CLVS1: variants seen among roughly 807,000 people sequenced by gnomAD.
CLVS1 encodes clavesin 1, also known as clavesin-1.
Under a neutral mutation model 33.1 loss-of-function variants are expected in CLVS1, and 10 were observed. That is an observed-to-expected ratio of 0.30 (90% CI 0.19 to 0.51). The LOEUF is 0.51. Ranked by LOEUF, CLVS1 falls within the 20% of genes least tolerant of loss-of-function variation. The pLI is 0.97. For missense variants in CLVS1, 343 were observed against 433.4 expected (o/e 0.79, Z 1.85); for synonymous variants, 163 against 166.1 (o/e 0.98, Z 0.14).
rs374845739 is a variant in CLVS1, at chr8:61,203,414, T to A, written c.-152+71554T>A. Among the ~76,000 whole-genome samples the A allele has an allele frequency of 4.6e-5, 7 of 152,310 alleles. No individual in the cohort carries two copies. In the East Asian group the frequency reaches 1.3e-3, roughly 29 times the overall value. Reference sequence around the variant, plus strand: ...CCTGTTTAGTTTTTAAAGATGGAACTCCACCCTTTGCTTGGTTTTAAGTAT... The same window carrying A: ...CCTGTTTAGTTTTTAAAGATGGAACACCACCCTTTGCTTGGTTTTAAGTAT... On this transcript the variant is annotated intron_variant, in intron 2 of 2. Transcript: ENST00000522621.
intron 1 of CLVS1, among the ~76,000 whole-genome samples, chr8:61,129,842 A>G (rs186538291): frequency 1.3e-5 from 2 of 152,370 alleles, no homozygotes; most frequent in East Asian, 1.9e-4. Context: ...ATTTGCAGAC[A>G]TATTTTAAAA....
intron 1 of CLVS1, among the ~76,000 whole-genome samples, chr8:61,081,775 C>T (rs974210566): frequency 1.3e-5 from 2 of 152,110 alleles, no homozygotes; most frequent in Non-Finnish European, 2.9e-5. Flanking sequence ...ATAGGACAAA[C>T]CATTTTTTCC....
chr8:61,481,388 A>AAG (rs1818189259), intron 5 of CLVS1, among the ~76,000 whole-genome samples: 25 of 150,394 alleles, frequency 1.7e-4, no homozygotes, highest in East Asian at 5.9e-4. Context: ...AGCCCACAGA[A>AAG]TAGAGTGGGG....
At chr8:61,472,387 G>T (rs1248755539) in intron 5 of CLVS1, among the ~76,000 whole-genome samples, 3 of 151,288 alleles carry the variant, frequency 2.0e-5, no homozygotes, top group Non-Finnish European at 4.4e-5. Flanking sequence ...GGAGAAGGAG[G>T]GAAACAAAAA....
chr8:61,261,990 G>GTGTGTA (rs1554551246), intron 2 of CLVS1, among the ~76,000 whole-genome samples: 15 of 97,304 alleles, frequency 1.5e-4, no homozygotes, highest in African/African-American at 7.3e-4. Flanking sequence ...GTGTGTGTGT[G>GTGTGTA]TGTGTGTGTG....
At chr8:61,225,326 A>C (rs991952098) in intron 2 of CLVS1, among the ~76,000 whole-genome samples, 1 of 152,196 alleles carries the variant, frequency 6.6e-6, no homozygotes, top group African/African-American at 2.4e-5. Flanking sequence ...TCAAAAAATA[A>C]AATAAAATAA....
chr8:61,333,555 T>C (rs764519303), intron 2 of CLVS1, among the ~76,000 whole-genome samples: 21 of 152,258 alleles, frequency 1.4e-4, no homozygotes, highest in Non-Finnish European at 1.8e-4. Flanking sequence ...AGAATAAATA[T>C]ACTGTCAACT....
intron 2 of CLVS1, among the ~76,000 whole-genome samples, chr8:61,260,982 T>G (rs1332424200): frequency 1.3e-5 from 2 of 152,246 alleles, no homozygotes; most frequent in South Asian, 4.1e-4. Context: ...CCCTTGAAAT[T>G]TGGATTCAGT....
chr8:60,971,374 C>A, the CLVS1 span, among the ~76,000 whole-genome samples: 1 of 152,192 alleles, frequency 6.6e-6, no homozygotes, highest in Non-Finnish European at 1.5e-5. Context: ...CCACTGTGCC[C>A]GGCCTACTTT....
chr8:61,442,255 G>C (rs1011674147), intron 3 of CLVS1, among the ~76,000 whole-genome samples: 1 of 152,188 alleles, frequency 6.6e-6, no homozygotes, highest in Non-Finnish European at 1.5e-5. Context: ...GATTCACCCA[G>C]GTTGTTGTAG....
intron 2 of CLVS1, among the ~76,000 whole-genome samples, chr8:61,304,176 G>T (rs1380097303): frequency 2.0e-5 from 3 of 152,248 alleles, no homozygotes; most frequent in Admixed American, 6.5e-5. Flanking sequence ...CATGTGAAGG[G>T]TTTACTAAGA....
At chr8:61,243,300 C>T (rs2129314621) in intron 2 of CLVS1, among the ~76,000 whole-genome samples, 1 of 152,220 alleles carries the variant, frequency 6.6e-6, no homozygotes, top group African/African-American at 2.4e-5. Context: ...AATGTATTAA[C>T]ATATATCAGG....
chr8:61,127,211 T>C (rs941968519), intron 1 of CLVS1, among the ~76,000 whole-genome samples: 1 of 151,840 alleles, frequency 6.6e-6, no homozygotes, highest in Non-Finnish European at 1.5e-5. Flanking sequence ...TTGGCTGAGA[T>C]CAAGCTTTTT....
chr8:61,178,303 A>G (rs971338332), intron 2 of CLVS1, among the ~76,000 whole-genome samples: 1 of 152,230 alleles, frequency 6.6e-6, no homozygotes, highest in African/African-American at 2.4e-5. Flanking sequence ...AGAGAAAAAG[A>G]ATAAAAATGA....
At chr8:61,349,225 A>G (rs1418752930) in intron 2 of CLVS1, among the ~76,000 whole-genome samples, 2 of 149,404 alleles carry the variant, frequency 1.3e-5, no homozygotes, top group Non-Finnish European at 2.9e-5. Context: ...GTTTGAGATA[A>G]TAGCACTTGT....
chr8:61,469,438 C>A (rs935875483), intron 5 of CLVS1, among the ~76,000 whole-genome samples: 3 of 152,208 alleles, frequency 2.0e-5, no homozygotes, highest in African/African-American at 7.2e-5. Context: ...GGGTGGGTGG[C>A]AGGCTGAGAA....
rs1056114913 is a variant in CLVS1, at chr8:61,420,328, G to A, written c.631-33813G>A. Among the ~76,000 whole-genome samples, 11 of 152,174 alleles carry A rather than the reference G, an allele frequency of 7.2e-5. No individual in the cohort carries two copies. In the East Asian group the frequency reaches 7.7e-4, roughly 11 times the overall value. On this transcript the variant is annotated intron_variant, in intron 3 of 5. Transcript: ENST00000325897. ...TAAAAAAACATTGTTGGCCGGGTGC[G>A]GTGGCTCACGCCTGTAATCCCAGCA...
chr8:60,986,453 A>G, the CLVS1 span, among the ~76,000 whole-genome samples: 1 of 152,204 alleles, frequency 6.6e-6, no homozygotes, highest in African/African-American at 2.4e-5. Flanking sequence ...CCCACTCTCT[A>G]TATTCCCGAA....
At chr8:61,289,658 C>T (rs966011307) in intron 1 of CLVS1, among the ~76,000 whole-genome samples, 4 of 152,118 alleles carry the variant, frequency 2.6e-5, no homozygotes, top group Non-Finnish European at 5.9e-5. Flanking sequence ...TTAAAATTGT[C>T]GTTGTGTATT....
Sources: allele counts gnomAD v4.1 joint callset (sites outside exome capture counted in the v4.1 genomes callset), GRCh38; gene constraint gnomAD v4.1.1; transcripts MANE v1.5; gene names NCBI Gene and HGNC (gene_info 2026-07-23, HGNC 2026-07-21).